Variants in CCSER1 observed in about 807,000 individuals in gnomAD.
CCSER1 encodes coiled-coil serine rich protein 1, also known as serine-rich coiled-coil domain-containing protein 1.
Under a neutral mutation model 82.0 loss-of-function variants are expected in CCSER1, and 41 were observed. That is an observed-to-expected ratio of 0.50 (90% confidence interval 0.39 to 0.65). The LOEUF is 0.65. Among genes scored for constraint, CCSER1 ranks in the 30% least tolerant of loss-of-function variants. CCSER1 has a pLI of 0.00. For missense variants in CCSER1, 1,119 were observed against 1,064.2 expected (o/e 1.05, Z -0.72); for synonymous variants, 414 against 383.9 (o/e 1.08, Z -0.92).
intron 10 of CCSER1, among the ~76,000 whole-genome samples, chr4:91,535,434 G>GT (rs1439159416): frequency 2.6e-5 from 2 of 75,840 alleles, no homozygotes; most frequent in African/African-American, 1.8e-4. Flanking sequence ...GAATGATGAG[G>GT]TGAGGAGACG....
intron 10 of CCSER1, among the ~76,000 whole-genome samples, chr4:91,414,343 G>A (rs11097315): frequency 0.43 from 65,772 of 151,880 alleles, 14,678 homozygotes; most frequent in East Asian, 0.78. Context: ...AAGTTAAGTT[G>A]TTATTTGCTT....
intron 9 of CCSER1, among the ~76,000 whole-genome samples, chr4:91,041,379 C>T (rs1305943562): frequency 6.6e-6 from 1 of 152,206 alleles, no homozygotes; most frequent in Non-Finnish European, 1.5e-5. Flanking sequence ...AAGAAAATCT[C>T]CTGTGTTCTA....
intron 7 of CCSER1, among the ~76,000 whole-genome samples, chr4:90,810,709 C>T (rs1758149374): frequency 6.6e-6 from 1 of 151,778 alleles, no homozygotes; most frequent in Non-Finnish European, 1.5e-5. Flanking sequence ...GGTTGGGGAA[C>T]AAGCAAACAA....
At chr4:91,004,546 A>T (rs369110913) in intron 9 of CCSER1, among the ~76,000 whole-genome samples, 1 of 152,232 alleles carries the variant, frequency 6.6e-6, no homozygotes, top group Non-Finnish European at 1.5e-5. Context: ...CTTGAGTTCT[A>T]TGTGCATGGC....
chr4:90,301,255 T>C (rs1184337024), intron 1 of CCSER1, among the ~76,000 whole-genome samples: 1 of 152,186 alleles, frequency 6.6e-6, no homozygotes, highest in Non-Finnish European at 1.5e-5. Flanking sequence ...TCATGTCTTC[T>C]TCAACCATAT....
intron 10 of CCSER1, among the ~76,000 whole-genome samples, chr4:91,176,469 T>TG (rs1437388951): frequency 5.4e-4 from 83 of 152,340 alleles, no homozygotes; most frequent in Admixed American, 6.5e-4. Flanking sequence ...TGTAACATTC[T>TG]TCCATTTGTT....
chr4:90,531,712 G>T (rs1774554524), intron 5 of CCSER1, among the ~76,000 whole-genome samples: 1 of 152,096 alleles, frequency 6.6e-6, no homozygotes, highest in Non-Finnish European at 1.5e-5. Context: ...GTATAATATT[G>T]TTAAATAGCA....
intron 1 of CCSER1, among the ~76,000 whole-genome samples, chr4:90,176,224 C>G (rs1312673678): frequency 1.3e-5 from 2 of 151,818 alleles, no homozygotes; most frequent in Admixed American, 1.3e-4. Context: ...GCAGAGAGCA[C>G]CAAACAGTCT....
At chr4:90,360,798 T>TTA (rs1745254755) in intron 3 of CCSER1, among the ~76,000 whole-genome samples, 1 of 152,122 alleles carries the variant, frequency 6.6e-6, no homozygotes, top group African/African-American at 2.4e-5. Flanking sequence ...GCATATGAAT[T>TTA]ACCATACGGT....
chr4:91,179,366 A>C (rs1377275295), intron 10 of CCSER1, among the ~76,000 whole-genome samples: 1 of 152,162 alleles, frequency 6.6e-6, no homozygotes, highest in African/African-American at 2.4e-5. Context: ...TAGGTTGGGG[A>C]AGTTCTCATG....
chr4:91,371,408 A>G (rs1325477841), intron 10 of CCSER1, among the ~76,000 whole-genome samples: 1 of 152,028 alleles, frequency 6.6e-6, no homozygotes, highest in African/African-American at 2.4e-5. Context: ...GAATGCAAAT[A>G]TTTGAAGTTT....
At chr4:91,515,733 G>C (rs1445819846) in intron 10 of CCSER1, among the ~76,000 whole-genome samples, 1 of 152,038 alleles carries the variant, frequency 6.6e-6, no homozygotes, top group Admixed American at 6.6e-5. Flanking sequence ...TGGGATTGTT[G>C]GGTTGAAGGG....
intron 10 of CCSER1, among the ~76,000 whole-genome samples, chr4:91,088,351 C>G (rs1723587175): frequency 6.6e-6 from 1 of 151,944 alleles, no homozygotes; most frequent in South Asian, 2.1e-4. Flanking sequence ...ATTCTATTTA[C>G]TTATTGAAGT....
intron 6 of CCSER1, among the ~76,000 whole-genome samples, chr4:90,713,296 C>T (rs961863922): frequency 3.3e-5 from 5 of 151,952 alleles, no homozygotes; most frequent in African/African-American, 9.7e-5. Context: ...TTTCCCTTCC[C>T]TATCACGTGC....
intron 9 of CCSER1, among the ~76,000 whole-genome samples, chr4:90,954,053 T>A (rs937600740): frequency 1.6e-5 from 1 of 61,652 alleles, no homozygotes; most frequent in South Asian, 3.4e-4. Flanking sequence ...AAAATGTTTG[T>A]TGATTTTTAC....
intron 5 of CCSER1, among the ~76,000 whole-genome samples, chr4:90,483,911 T>G (rs1217072836): frequency 6.6e-6 from 1 of 152,208 alleles, no homozygotes; most frequent in African/African-American, 2.4e-5. Context: ...TGAATGTGAA[T>G]GTTGGCCTGC....
At chr4:90,837,647 A>T (rs1761979245) in intron 8 of CCSER1, among the ~76,000 whole-genome samples, 1 of 152,210 alleles carries the variant, frequency 6.6e-6, no homozygotes. Context: ...ATCATGAGAC[A>T]GCAGTGTAAT....
At chr4:91,566,383 C>G (rs763853940) in intron 10 of CCSER1, among the ~76,000 whole-genome samples, 1 of 152,062 alleles carries the variant, frequency 6.6e-6, no homozygotes, top group Non-Finnish European at 1.5e-5. Context: ...GTTTTGGTAT[C>G]AAGATGATGC....
chr4:91,307,255 T>C (rs942386695), intron 10 of CCSER1, among the ~76,000 whole-genome samples: 3 of 151,990 alleles, frequency 2.0e-5, no homozygotes, highest in Middle Eastern at 6.8e-3. Flanking sequence ...AGAAAAGTTA[T>C]GAAACAATAA....
Sources: allele counts gnomAD v4.1 joint callset (sites outside exome capture counted in the v4.1 genomes callset), GRCh38; gene constraint gnomAD v4.1.1; transcripts MANE v1.5; gene names NCBI Gene and HGNC (gene_info 2026-07-23, HGNC 2026-07-21).